The following IGFL3 variants were observed in gnomAD, a reference collection of about 807,000 sequenced individuals.
IGFL3 encodes the protein IGF like family member 3.
In IGFL3, 12 loss-of-function variants were observed where a neutral mutation model predicts 17.0. The observed-to-expected ratio is 0.71, with a 90% confidence interval of 0.45 to 1.14. IGFL3 has a LOEUF of 1.14. IGFL3 is among the 50% of genes most tolerant of loss of function. The pLI, the probability that IGFL3 is intolerant of heterozygous loss-of-function variation, is 0.00. For synonymous variants in IGFL3, 52 were observed against 57.4 expected (o/e 0.91, Z 0.42); for missense variants, 153 against 151.6 (o/e 1.01, Z -0.05).
In IGFL3 at chr19:46,120,276, G is replaced by A. The variant is rs1452417115; in HGVS notation, c.*54C>T. ...GTTCAACTGTAGTCTCCGATGTCCA[G>A]CTGCTTCGTCTCTTCTCCCCTTGTC... On this transcript the variant is annotated 3_prime_UTR_variant, in exon 4 of 4. Transcript: ENST00000341415. 2 of 1,608,290 alleles carry A rather than the reference G, an allele frequency of 1.2e-6. No homozygotes were observed. Among genetic ancestry groups the A allele is most frequent in the Non-Finnish European group, 1.7e-6 (2 of 1,178,550 alleles).
rs564074198 is a variant in IGFL3, at chr19:46,121,195, T to A, written c.351-838A>T. On this transcript the variant is annotated intron_variant, in intron 3 of 3. Coordinates refer to ENST00000341415, the MANE Select transcript of IGFL3 (RefSeq NM_207393.2). ...GGGTTTGAATCCAATCTGGGTAACA[T>A]AATGAAAACCTGTCTCTACCAAAAA... Among the ~76,000 whole-genome samples, 32 of 149,086 alleles carry A rather than the reference T, an allele frequency of 2.1e-4. 3 individuals are homozygous for A. The South Asian group carries it at 3.2e-3, about 15-fold the overall frequency.
At chr19:46,122,310 A>G (rs1971821151) in intron 3 of IGFL3, among the ~76,000 whole-genome samples, 1 of 151,058 alleles carries the variant, frequency 6.6e-6, no homozygotes. Context: ...GAAACTTGTC[A>G]AAATATTTTT....
chr19:46,124,029 A>G lies in IGFL3; in HGVS notation c.207T>C (p.Cys69=). 1.2e-6 allele frequency: 2 copies of G among 1,611,550 alleles called. No individual in the cohort carries two copies. Among genetic ancestry groups the G allele is most frequent in the Non-Finnish European group, 1.7e-6 (2 of 1,179,684 alleles). ...AILSLKETRR[C]GSTCTFWPCF... ...AGGGCCAGAAGGTGCAGGTGGAGCC[A>G]CAGCGGCGGGTCTCCTTTAAGGATA... The change falls in exon 3 of 4, where the codon TGT becomes TGC. Residue 69 remains cysteine, a synonymous_variant. Coordinates refer to ENST00000341415, the MANE Select transcript of IGFL3 (RefSeq NM_207393.2).
Position 46,124,271 on chromosome 19 carries a change from T to C in IGFL3, c.76A>G (p.Thr26Ala), listed in dbSNP as rs1233826238. 1 of 1,610,742 alleles carries C rather than the reference T, an allele frequency of 6.2e-7. No individual in the cohort carries two copies. Among genetic ancestry groups the C allele is most frequent in the Non-Finnish European group, 8.5e-7 (1 of 1,179,048 alleles). Residue 26 changes from threonine to alanine, a missense_variant, in exon 2 of 4, where the codon ACA becomes GCA. Coordinates refer to ENST00000341415, the MANE Select transcript of IGFL3 (RefSeq NM_207393.2). The part of the protein sequence containing the change: ...VFLLQCSKGT[T>A]DAPVGSGLWL... The stretch of plus-strand genomic sequence containing the variant: ...TTTTTCCCTGTCCTGTCCTTACCTG[T>C]AGTTCCTTTTGAACACTGGAGGAGG...
chr19:46,120,903 C>A (rs1461820635), intron 3 of IGFL3, among the ~76,000 whole-genome samples: 2 of 150,818 alleles, frequency 1.3e-5, no homozygotes, highest in African/African-American at 4.9e-5. Flanking sequence ...ATTCATCAGT[C>A]ATGCTGTACC....
chr19:46,122,485 A>G (rs1971831507), intron 3 of IGFL3, among the ~76,000 whole-genome samples: 1 of 151,052 alleles, frequency 6.6e-6, no homozygotes, highest in African/African-American at 2.5e-5. Context: ...ATAGCAGCAG[A>G]CTAAAAACAT....
intron 1 of IGFL3, 71 bp from the exon 2 acceptor site, chr19:46,124,392 A>G: frequency 1.2e-5 from 18 of 1,469,562 alleles, no homozygotes; most frequent in Non-Finnish European, 1.7e-5. Context: ...CAAACAAACA[A>G]ACAAACAGAG....
chr19:46,120,169 A>G lies in IGFL3; in HGVS notation c.*161T>C. ...AAGCAGGAAGGCATTCTTCCCCTGAAGTCTGGCCATCCCCAGCTGGGCTCC... is the reference window on the plus strand; with the variant it reads ...AAGCAGGAAGGCATTCTTCCCCTGAGGTCTGGCCATCCCCAGCTGGGCTCC... On this transcript the variant is annotated 3_prime_UTR_variant, in exon 4 of 4. Coordinates refer to ENST00000341415, the MANE Select transcript of IGFL3 (RefSeq NM_207393.2). 1 of 969,340 alleles carries G rather than the reference A, an allele frequency of 1.0e-6. No individual in the cohort carries two copies. The highest frequency in any genetic ancestry group is 1.5e-6 in the Non-Finnish European group (1 of 683,030). 60.0% of individuals were successfully genotyped at this position (969,340 alleles called of 1,614,324 possible). A position where few individuals can be genotyped will look rare whatever the true frequency, so the allele number is the denominator to read the frequency against.
At chr19:46,124,229 C>G in intron 2 of IGFL3, 39 bp downstream of exon 2, 1 of 1,608,882 alleles carries the variant, frequency 6.2e-7, no homozygotes, top group Non-Finnish European at 8.5e-7. Context: ...TTCCCAACAC[C>G]ACCTCTTCCC....
At chr19:46,123,517 A>G (rs1468746979) in intron 3 of IGFL3, among the ~76,000 whole-genome samples, 1 of 150,850 alleles carries the variant, frequency 6.6e-6, no homozygotes, top group East Asian at 2.0e-4. Context: ...GCATATACAT[A>G]TACTGTATAT....
intron 3 of IGFL3, among the ~76,000 whole-genome samples, chr19:46,121,130 C>G (rs1422138946): frequency 1.3e-5 from 2 of 150,168 alleles, no homozygotes; most frequent in Non-Finnish European, 2.9e-5. Flanking sequence ...ATAGTCCCAG[C>G]ACTTTGGGAG....
chr19:46,120,976 C>T (rs908955662), intron 3 of IGFL3, among the ~76,000 whole-genome samples: 2 of 150,292 alleles, frequency 1.3e-5, no homozygotes, highest in African/African-American at 5.0e-5. Flanking sequence ...CTTAAGAAGC[C>T]TTAGGTTTAT....
chr19:46,123,233 A>T (rs777068563), intron 3 of IGFL3, among the ~76,000 whole-genome samples: 2 of 150,884 alleles, frequency 1.3e-5, no homozygotes, highest in African/African-American at 2.5e-5. Context: ...CCTCCTGAAA[A>T]AGGATACTGA....
Position 46,123,974 on chromosome 19 carries a change from C to G in IGFL3, c.262G>C (p.Gly88Arg). ...CFELCCPESFGPQQKFLVKLR... is the reference protein window; with the variant it reads ...CFELCCPESFRPQQKFLVKLR... ...TTCACAAGAAACTTCTGCTGGGGGC[C>G]AAAAGACTCGGGACAGCAGAGCTCA... The change falls in exon 3 of 4, where the codon GGC becomes CGC. Residue 88 changes from glycine (G) to arginine (R), a missense_variant. Transcript: ENST00000341415. 6.2e-7 allele frequency: 1 copy of G among 1,611,462 alleles called. No individual in the cohort carries two copies. Among genetic ancestry groups the G allele is most frequent in the South Asian group, 1.1e-5 (1 of 90,874 alleles).
chr19:46,122,670 T>C (rs757385257), intron 3 of IGFL3, among the ~76,000 whole-genome samples: 1 of 150,984 alleles, frequency 6.6e-6, no homozygotes, highest in Non-Finnish European at 1.5e-5. Context: ...TTACATTCGG[T>C]TACTGTCAGA....
At chr19:46,124,417 A>C (rs1971976334) in intron 1 of IGFL3, 96 bp from the exon 2 acceptor site, 4 of 1,377,264 alleles carry the variant, frequency 2.9e-6, no homozygotes, top group Non-Finnish European at 4.1e-6. Context: ...GGGTGGTTTA[A>C]AGGTGGAGAT....
In IGFL3 at chr19:46,124,303, G is replaced by C. The variant is rs1971966442; in HGVS notation, c.44C>G (p.Thr15Arg). ...TTTTGAACACTGGAGGAGGAAGACT[G>C]TTATCCAGCAGACAAGAGCTAAGGG... is the stretch of plus-strand genomic sequence containing the variant. ...CCILALVCWI[T>R]VFLLQCSKGT... The change falls in exon 2 of 4, where the codon ACA (threonine) becomes AGA (arginine). Residue 15 changes from threonine (T) to arginine (R), a missense_variant. By Grantham distance (71) the Thr-to-Arg change is moderately conservative. Transcript: ENST00000341415. 1 of 1,610,520 alleles carries C rather than the reference G, an allele frequency of 6.2e-7. No individual in the cohort carries two copies. Among genetic ancestry groups the C allele is most frequent in the Non-Finnish European group, 8.5e-7 (1 of 1,178,954 alleles).
rs762262951 is a variant in IGFL3, at chr19:46,124,127, A to C, written c.109T>G (p.Cys37Gly). 1.6e-5 allele frequency: 26 copies of C among 1,610,996 alleles called. 1 individual carries two copies. The highest frequency in any genetic ancestry group is 2.2e-5 in the Non-Finnish European group (26 of 1,179,416). Residue 37 changes from cysteine (C) to glycine (G), a missense_variant, in exon 3 of 4, where the codon TGC becomes GGC. Cys to Gly is a radical substitution (Grantham distance 159). Coordinates refer to ENST00000341415, the MANE Select transcript of IGFL3 (RefSeq NM_207393.2). ...TTCCCACACCTGGGTGTCGGCTGGC[A>C]CAGCCACAGTCCTGAGCCAACAGGA... ...DAPVGSGLWL[C>G]QPTPRCGNKI...
chr19:46,124,625 C>T lies in IGFL3; in HGVS notation c.25G>A (p.Ala9Thr), dbSNP rs1326919189. The T allele has an allele frequency of 9.9e-6, 16 of 1,608,718 alleles. No homozygotes were observed. Among genetic ancestry groups the T allele is most frequent in the Non-Finnish European group, 1.2e-5 (14 of 1,177,546 alleles). Reference protein sequence around the residue: MRPRCCILALVCWITVFLL... With the variant: MRPRCCILTLVCWITVFLL... ...TGTTTGGATTTGGGGTCCTACTTGC[C>T]CAAGATGCAGCATCGTGGCCTCATG... Residue 9 changes from alanine to threonine, a missense_variant and splice_region_variant, in exon 1 of 4, where the codon GCT becomes ACT. Physicochemically the swap from Ala to Thr is moderately conservative, Grantham distance 58. Transcript: ENST00000341415.
Sources: gnomAD v4.1 joint callset for allele counts (sites outside exome capture counted in the v4.1 genomes callset) on GRCh38, gnomAD v4.1.1 for gene constraint, MANE v1.5 for transcripts, NCBI Gene and HGNC (gene_info 2026-07-23, HGNC 2026-07-21) for gene names.